The following MET variants were observed in gnomAD, a reference collection of about 807,000 sequenced individuals.
MET encodes MET proto-oncogene, receptor tyrosine kinase.
In MET, 48 loss-of-function variants were observed where a neutral mutation model predicts 133.1. That is an observed-to-expected ratio of 0.36 (90% CI 0.29 to 0.46). The LOEUF is 0.46. MET is among the 20% of genes least tolerant of loss of function. The pLI, the probability that MET is intolerant of heterozygous loss-of-function variation, is 1.00. For synonymous variants in MET, 628 were observed against 616.5 expected, an observed-to-expected ratio of 1.02 and a Z score of -0.28; for missense variants, 1,442 against 1,695.9, an observed-to-expected ratio of 0.85 and a Z score of 2.63.
intron 2 of MET, among the ~76,000 whole-genome samples, chr7:116,727,389 C>T (rs993706328): frequency 7.2e-5 from 11 of 152,326 alleles, no homozygotes; most frequent in Admixed American, 5.9e-4. Flanking sequence ...TAAAACCTCA[C>T]AGGGCTGCTG....
At chr7:116,735,448 T>C (rs1333926072) in intron 3 of MET, among the ~76,000 whole-genome samples, 1 of 152,226 alleles carries the variant, frequency 6.6e-6, no homozygotes, top group Non-Finnish European at 1.5e-5. Flanking sequence ...AAGAAAAATT[T>C]GTTTATCTGT....
chr7:116,688,080 C>T (rs1242094186), intron 1 of MET, among the ~76,000 whole-genome samples: 3 of 152,156 alleles, frequency 2.0e-5, no homozygotes, highest in Non-Finnish European at 2.9e-5. Flanking sequence ...TTTTCAAACA[C>T]GGAGGGAGGG....
chr7:116,676,723 T>C (rs2116447455), intron 1 of MET, among the ~76,000 whole-genome samples: 1 of 152,290 alleles, frequency 6.6e-6, no homozygotes, highest in East Asian at 1.9e-4. Context: ...GATAAGGAAG[T>C]GAGCCAGGCG....
intron 4 of MET, 102 bp downstream of exon 4, chr7:116,740,186 A>T (rs1793391307): frequency 7.7e-7 from 1 of 1,298,206 alleles, no homozygotes; most frequent in African/African-American, 1.5e-5. Flanking sequence ...CTTCATCTTA[A>T]ATTTACCCCT....
At chr7:116,768,373 G>A (rs1375312481) in intron 11 of MET, among the ~76,000 whole-genome samples, 1 of 152,064 alleles carries the variant, frequency 6.6e-6, no homozygotes, top group Non-Finnish European at 1.5e-5. Context: ...TCCCCCTTCA[G>A]ACCTAGCCAA....
chr7:116,708,542 A>T (rs1791881065), intron 2 of MET, among the ~76,000 whole-genome samples: 1 of 152,188 alleles, frequency 6.6e-6, no homozygotes, highest in Non-Finnish European at 1.5e-5. Flanking sequence ...AAACAGCAGT[A>T]AATGTGTTTA....
At chr7:116,678,560 GT>G (rs1221407039) in intron 1 of MET, among the ~76,000 whole-genome samples, 1 of 152,094 alleles carries the variant, frequency 6.6e-6, no homozygotes, top group African/African-American at 2.4e-5. Context: ...AAATAATATG[GT>G]CTTTGCAAGT....
chr7:116,760,558 T>A (rs1050678120), intron 10 of MET, among the ~76,000 whole-genome samples: 5 of 152,178 alleles, frequency 3.3e-5, no homozygotes, highest in African/African-American at 1.2e-4. Context: ...GTGCTCTTGC[T>A]CAAGCAAGGT....
chr7:116,726,173 A>ACACACACACAC (rs1584908047), intron 2 of MET, among the ~76,000 whole-genome samples: 36 of 125,718 alleles, frequency 2.9e-4, no homozygotes, highest in South Asian at 7.8e-4. Flanking sequence ...ATATATATAT[A>ACACACACACAC]TATATGGGAT....
intron 8 of MET, 26 bp from the exon 9 acceptor site, chr7:116,758,433 T>G (rs1202759964): frequency 6.2e-7 from 1 of 1,607,766 alleles, no homozygotes; most frequent in Non-Finnish European, 8.5e-7. Flanking sequence ...TAGCTAAAAT[T>G]CACTTCCTTA....
intron 4 of MET, 146 bp from the exon 5 acceptor site, chr7:116,740,706 G>A (rs554643413): frequency 4.7e-4 from 459 of 973,914 alleles, no homozygotes; most frequent in East Asian, 1.6e-3. Flanking sequence ...TTTAATCACC[G>A]TTATGACAGG....
In MET at chr7:116,740,180, A is replaced by G. The variant is rs569298077; in HGVS notation, c.1527+96A>G. The G allele has an allele frequency of 5.0e-6, 7 of 1,404,640 alleles. No homozygotes were observed. The East Asian group carries it at 1.4e-4, about 28-fold the overall frequency. The allele number at this position is 1,404,640 out of a possible 1,614,324, so 87.0% of individuals were successfully genotyped here. On this transcript the variant is annotated intron_variant, in intron 4 of 20. Coordinates refer to ENST00000397752, the MANE Select transcript of MET (RefSeq NM_000245.4). Reference sequence around the variant, plus strand: ...TTGGCCCTTTATAATGTCTCTCTTCATCTTAAATTTACCCCTCCTCCATTA... The same window carrying G: ...TTGGCCCTTTATAATGTCTCTCTTCGTCTTAAATTTACCCCTCCTCCATTA...
chr7:116,761,086 T>C (rs1794384022), intron 10 of MET, among the ~76,000 whole-genome samples: 1 of 152,194 alleles, frequency 6.6e-6, no homozygotes, highest in Non-Finnish European at 1.5e-5. Context: ...TCCTTTCTTC[T>C]CCCTCATTGG....
At chr7:116,768,235 A>C (rs1477129221) in intron 11 of MET, among the ~76,000 whole-genome samples, 1 of 151,888 alleles carries the variant, frequency 6.6e-6, no homozygotes, top group Non-Finnish European at 1.5e-5. Flanking sequence ...CCTTCCCCCA[A>C]CCTTAGTTAT....
intron 2 of MET, among the ~76,000 whole-genome samples, chr7:116,723,533 G>T (rs978506758): frequency 1.7e-4 from 26 of 152,316 alleles, no homozygotes; most frequent in African/African-American, 4.8e-4. Context: ...GAGGAACTGC[G>T]TTCCTTTGGA....
At chr7:116,782,392 G>C (rs935288630) in intron 18 of MET, among the ~76,000 whole-genome samples, 1 of 152,216 alleles carries the variant, frequency 6.6e-6, no homozygotes, top group African/African-American at 2.4e-5. Flanking sequence ...CACTGCATTA[G>C]TGTTGGGGAG....
At position 116,731,784 on chromosome 7, in the gene MET, A is replaced by T. The variant is rs2116782479; in HGVS notation, c.1317A>T (p.Leu439Phe). The T allele has an allele frequency of 6.2e-7, 1 of 1,614,140 alleles. No individual in the cohort carries two copies. Among genetic ancestry groups the T allele is most frequent in the East Asian group, 2.2e-5 (1 of 44,890 alleles). Residue 439 changes from leucine to phenylalanine, a missense_variant, in exon 3 of 21, where the codon TTA becomes TTT. By Grantham distance (22) the Leu-to-Phe change is conservative. This residue lies in a region of MET where 762 missense variants were observed against 792.4 expected (regional missense o/e 0.96). Transcript: ENST00000397752. The part of the protein sequence containing the change: ...LFMGQFSEVL[L>F]TSISTFIKGD... ...TGGGTCAATTCAGCGAAGTCCTCTT[A>T]ACATCTATATCCACCTTCATTAAAG...
intron 2 of MET, chr7:116,724,665 T>A: frequency 2.1e-6 from 1 of 470,972 alleles, no homozygotes; most frequent in Non-Finnish European, 4.1e-6. Context: ...CAGTTTTTTT[T>A]ACTCCTTGGA....
chr7:116,769,551 T>C (rs2116981238), intron 11 of MET, 94 bp from the exon 12 acceptor site: 1 of 1,472,982 alleles, frequency 6.8e-7, no homozygotes, highest in Non-Finnish European at 9.4e-7. Flanking sequence ...CAACATGGCC[T>C]GTGTTTGCAG....
Sources: gnomAD v4.1 joint callset for allele counts (sites outside exome capture counted in the v4.1 genomes callset) on GRCh38, gnomAD v4.1.1 for gene constraint, gnomAD v4.1.1 regional missense constraint, MANE v1.5 for transcripts, NCBI Gene and HGNC (gene_info 2026-07-23, HGNC 2026-07-21) for gene names.